The following GPC5 variants were observed in gnomAD, a reference collection of about 807,000 sequenced individuals.
The protein encoded by GPC5 is glypican-5.
GPC5 carries 47 observed loss-of-function variants against 53.9 expected under a neutral mutation model. The observed-to-expected ratio is 0.87, with a 90% confidence interval of 0.69 to 1.11. The LOEUF (loss-of-function observed/expected upper bound fraction) is 1.11. Among genes scored for constraint, GPC5 ranks in the 50% most tolerant of loss-of-function variants. GPC5 has a pLI of 0.00. For missense variants in GPC5, 748 were observed against 713.1 expected (o/e 1.05, Z -0.56); for synonymous variants, 286 against 263.3 (o/e 1.09, Z -0.84).
chr13:92,781,113 G>C (rs1876010423), intron 7 of GPC5, among the ~76,000 whole-genome samples: 1 of 152,054 alleles, frequency 6.6e-6, no homozygotes, highest in Non-Finnish European at 1.5e-5. Context: ...CTATTCCTTA[G>C]CTAAATAGCT....
At chr13:92,521,127 G>A (rs1040814767) in intron 7 of GPC5, among the ~76,000 whole-genome samples, 33 of 152,030 alleles carry the variant, frequency 2.2e-4, no homozygotes, top group Admixed American at 3.3e-4. Context: ...AAATAAAAGA[G>A]GATATAAACA....
intron 6 of GPC5, among the ~76,000 whole-genome samples, chr13:92,065,678 A>G (rs1323484437): frequency 6.6e-6 from 1 of 152,146 alleles, no homozygotes; most frequent in Non-Finnish European, 1.5e-5. Context: ...TTGCATTTTG[A>G]AAAATCATTT....
intron 7 of GPC5, among the ~76,000 whole-genome samples, chr13:92,452,088 G>A (rs1366408559): frequency 1.3e-5 from 2 of 152,114 alleles, no homozygotes; most frequent in Non-Finnish European, 2.9e-5. Context: ...TAATAATACA[G>A]TTAAAATAGT....
At chr13:91,971,424 G>A (rs2040241287) in intron 6 of GPC5, among the ~76,000 whole-genome samples, 1 of 152,056 alleles carries the variant, frequency 6.6e-6, no homozygotes, top group Admixed American at 6.6e-5. Context: ...CCAGCTCCTA[G>A]ATTCACTAAT....
intron 7 of GPC5, among the ~76,000 whole-genome samples, chr13:92,229,192 T>A (rs78288755): frequency 9.9e-4 from 151 of 152,196 alleles, no homozygotes; most frequent in African/African-American, 3.3e-3. Flanking sequence ...GGAAGTGAGG[T>A]ACAAAGTGTG....
intron 2 of GPC5, among the ~76,000 whole-genome samples, chr13:91,671,803 A>C (rs1184647037): frequency 6.7e-6 from 1 of 148,714 alleles, no homozygotes; most frequent in African/African-American, 2.5e-5. Context: ...AAAAAAAAAA[A>C]AACGAAACTG....
intron 1 of GPC5, among the ~76,000 whole-genome samples, chr13:91,416,075 G>A (rs1821462211): frequency 6.6e-6 from 1 of 152,104 alleles, no homozygotes; most frequent in Admixed American, 6.6e-5. Flanking sequence ...TCAAAGAACA[G>A]GAAATTACCC....
chr13:92,776,277 TC>T (rs1875801334), intron 7 of GPC5, among the ~76,000 whole-genome samples: 1 of 152,090 alleles, frequency 6.6e-6, no homozygotes, highest in Non-Finnish European at 1.5e-5. Flanking sequence ...TCCCTCTGTC[TC>T]CTTTCCTCTC....
At chr13:91,851,196 T>C (rs1244467690) in intron 5 of GPC5, among the ~76,000 whole-genome samples, 2 of 152,130 alleles carry the variant, frequency 1.3e-5, no homozygotes, top group Admixed American at 1.3e-4. Flanking sequence ...TCATTAGAGA[T>C]GAGATACAGC....
chr13:92,422,411 C>T (rs1193890694), intron 7 of GPC5, among the ~76,000 whole-genome samples: 16 of 151,292 alleles, frequency 1.1e-4, no homozygotes, highest in Admixed American at 1.1e-3. Flanking sequence ...CAGCCCAAAA[C>T]AAGAGGTCAA....
chr13:92,208,500 G>A (rs1031464149), intron 7 of GPC5, among the ~76,000 whole-genome samples: 12 of 152,190 alleles, frequency 7.9e-5, no homozygotes, highest in South Asian at 2.1e-4. Flanking sequence ...TGGAATTGCT[G>A]TCCATAAGCC....
At position 92,143,124 on chromosome 13, in the gene GPC5, T is replaced by C. The variant is rs971841144; in HGVS notation, c.1402-1706T>C. Among the ~76,000 whole-genome samples the C allele has an allele frequency of 5.3e-5, 8 of 152,260 alleles. No homozygotes were observed. The East Asian group carries it at 1.4e-3, about 26-fold the overall frequency. On this transcript the variant is annotated intron_variant, in intron 6 of 7. Transcript: ENST00000377067. ...TCCAGGTGTATTATTGTCCCTATTA[T>C]AGATTTGAGGAAACTGATTTATTCA...
chr13:92,461,314 A>G (rs1461106017), intron 7 of GPC5, among the ~76,000 whole-genome samples: 1 of 152,198 alleles, frequency 6.6e-6, no homozygotes, highest in Non-Finnish European at 1.5e-5. Context: ...ATGAGATTAT[A>G]ATAAATAATG....
chr13:91,585,065 A>T (rs2032511615), intron 2 of GPC5, among the ~76,000 whole-genome samples: 1 of 152,236 alleles, frequency 6.6e-6, no homozygotes, highest in Admixed American at 6.5e-5. Flanking sequence ...ACAAAATAGG[A>T]TATCCAGATG....
intron 7 of GPC5, among the ~76,000 whole-genome samples, chr13:92,521,283 G>A (rs1881034329): frequency 6.6e-6 from 1 of 152,148 alleles, no homozygotes; most frequent in South Asian, 2.1e-4. Flanking sequence ...CTACTTTAAA[G>A]TTCATATGGA....
intron 7 of GPC5, among the ~76,000 whole-genome samples, chr13:92,170,171 C>A (rs913621659): frequency 2.0e-5 from 3 of 151,482 alleles, no homozygotes; most frequent in Non-Finnish European, 4.4e-5. Flanking sequence ...TTAAAAAAAA[C>A]CTTAAGATTT....
intron 6 of GPC5, among the ~76,000 whole-genome samples, chr13:92,051,447 G>A (rs2041028476): frequency 6.6e-6 from 1 of 151,410 alleles, no homozygotes; most frequent in African/African-American, 2.4e-5. Flanking sequence ...TGATCCATCT[G>A]CCTCAGCCTC....
At chr13:92,411,421 T>G (rs1170658316) in intron 7 of GPC5, among the ~76,000 whole-genome samples, 2 of 152,198 alleles carry the variant, frequency 1.3e-5, no homozygotes, top group African/African-American at 4.8e-5. Context: ...ACTCCACACT[T>G]GTATTTTATT....
At chr13:91,908,267 G>C (rs958369319) in intron 6 of GPC5, among the ~76,000 whole-genome samples, 7 of 152,072 alleles carry the variant, frequency 4.6e-5, no homozygotes, top group Non-Finnish European at 7.4e-5. Flanking sequence ...TGGACAATCT[G>C]TATCTGTGAA....
Sources: gnomAD v4.1 joint callset for allele counts (sites outside exome capture counted in the v4.1 genomes callset) on GRCh38, gnomAD v4.1.1 for gene constraint, MANE v1.5 for transcripts, NCBI Gene and HGNC (gene_info 2026-07-23, HGNC 2026-07-21) for gene names.